Variants in STK32C observed in about 807,000 individuals in gnomAD.
The protein encoded by STK32C is serine/threonine kinase 32C.
A neutral mutation model predicts 56.5 loss-of-function variants in STK32C; 31 were observed. That is an observed-to-expected ratio of 0.55 (90% confidence interval 0.41 to 0.74). The LOEUF is 0.74. Ranked by LOEUF, STK32C falls within the 30% of genes least tolerant of loss-of-function variation. The pLI, the probability that STK32C is intolerant of heterozygous loss-of-function variation, is 0.00. For missense variants in STK32C, 544 were observed against 676.9 expected (o/e 0.80, Z 2.18); for synonymous variants, 309 against 289.4 (o/e 1.07, Z -0.69).
chr10:132,225,302 C>T lies in STK32C; in HGVS notation c.807G>A (p.Gly269=). ...AGTCCACCTCGAAGGAGTAGCCGGT[C>T]CCGCCGTTGACAAAAGAGTGGAAGA... The part of the protein sequence containing the change: ...PEIFHSFVNG[G]TGYSFEVDWW... Residue 269 remains glycine (G), a synonymous_variant, in exon 7 of 12, where the codon GGG becomes GGA. Coordinates refer to ENST00000298630, the MANE Select transcript of STK32C (RefSeq NM_173575.4). 5.0e-6 allele frequency: 8 copies of T among 1,611,592 alleles called. No individual in the cohort carries two copies. Among genetic ancestry groups the T allele is most frequent in the Non-Finnish European group, 6.8e-6 (8 of 1,179,048 alleles).
Position 132,307,897 on chromosome 10 carries a change from C to T in STK32C, c.-64G>A. 1 of 1,123,408 alleles carries T rather than the reference C, an allele frequency of 8.9e-7. No individual in the cohort carries two copies. The highest frequency in any genetic ancestry group is 1.1e-6 in the Non-Finnish European group (1 of 914,082). The allele number at this position is 1,123,408 out of a possible 1,614,324, so 69.6% of individuals were successfully genotyped here. ...CATGGCCGGCCGGCAGGGCCGGGAG[C>T]GGCAGTGGTAGCGGGAGCGCTCGGG... On this transcript the variant is annotated 5_prime_UTR_variant, in exon 1 of 12. Transcript: ENST00000298630. The surrounding 1 kb of genome is among the most constrained non-coding windows in gnomAD (Gnocchi z 4.4).
intron 1 of STK32C, among the ~76,000 whole-genome samples, chr10:132,253,412 G>GGAGGGAGCTGGAGGGAGTC (rs1565113539): frequency 1.4e-5 from 2 of 147,562 alleles, no homozygotes; most frequent in African/African-American, 2.5e-5. Flanking sequence ...CGAGGGAGCT[G>GGAGGGAGCTGGAGGGAGTC]GAGGGAGCTG....
downstream of STK32C, among the ~76,000 whole-genome samples, chr10:132,323,424 T>TA (rs1254299841): frequency 1.3e-5 from 2 of 152,234 alleles, no homozygotes; most frequent in African/African-American, 4.8e-5. This position sits in a 1 kb window ranked among gnomAD's most constrained non-coding sequence, Gnocchi z 4.8. Context: ...CCTAGGCCAA[T>TA]ACCAATGTTC....
At chr10:132,320,548 G>C (rs999323751), downstream of STK32C, among the ~76,000 whole-genome samples, 2 of 152,148 alleles carry the variant, frequency 1.3e-5, no homozygotes, top group South Asian at 2.1e-4. Context: ...GCTGGGGCAC[G>C]GGGCCCTGTT....
At chr10:132,295,958 G>A (rs1021318837) in intron 1 of STK32C, among the ~76,000 whole-genome samples, 9 of 151,682 alleles carry the variant, frequency 5.9e-5, no homozygotes, top group African/African-American at 9.7e-5. Context: ...CCCCACACCC[G>A]GTGTGGGCTG....
intron 1 of STK32C, among the ~76,000 whole-genome samples, chr10:132,280,394 GTGATCACGCACCTCCACCCCC>G (rs2065140173): frequency 8.4e-6 from 1 of 119,674 alleles, no homozygotes; most frequent in South Asian, 2.8e-4. Flanking sequence ...ACTCCACCCC[GTGATCACGCACCTCCACCCCC>G]TGATCACACC....
intron 7 of STK32C, among the ~76,000 whole-genome samples, chr10:132,224,869 C>T (rs1251541701): frequency 4.6e-5 from 7 of 152,172 alleles, no homozygotes; most frequent in South Asian, 4.1e-4. Flanking sequence ...CCCAGCCTCC[C>T]GGTCTCCAGG....
intron 10 of STK32C, 26 bp from the exon 11 acceptor site, chr10:132,209,127 C>T (rs770874668): frequency 1.0e-5 from 16 of 1,606,170 alleles, no homozygotes; most frequent in Middle Eastern, 1.7e-4. Context: ...CACACGTGAG[C>T]GTGGGGGACG....
Position 132,226,845 on chromosome 10 carries a change from G to A in STK32C, c.594C>T (p.Cys198=), listed in dbSNP as rs563659456. The A allele has an allele frequency of 3.3e-5, 53 of 1,613,236 alleles. 1 individual carries two copies. The highest frequency in any genetic ancestry group is 1.6e-4 in the Middle Eastern group (1 of 6,084). The change falls in exon 4 of 12, where the codon TGC becomes TGT. Residue 198 remains cysteine (C), a synonymous_variant. Coordinates refer to ENST00000298630, the MANE Select transcript of STK32C (RefSeq NM_173575.4). ...GGTAGTCCAGAGCCAGTGCCATCTC[G>A]CAGATGTACAGCCTCACCGTGTCCT... ...FSEDTVRLYI[C]EMALALDYLR...
At position 132,263,324 on chromosome 10, in the gene STK32C, C is replaced by A. The variant is rs377686969; in HGVS notation, c.263-17369G>T. 2.0e-5 allele frequency among the ~76,000 whole-genome samples: 3 copies of A among 152,204 alleles called. No individual in the cohort carries two copies. In the South Asian group the frequency reaches 6.2e-4, roughly 32 times the overall value. ...TGCAGCTGGAGGCCATAATCCTAAG[C>A]GACTTAATGCAGGAACAGAAAACTC... On this transcript the variant is annotated intron_variant, in intron 1 of 11. Coordinates refer to ENST00000298630, the MANE Select transcript of STK32C (RefSeq NM_173575.4).
At chr10:132,320,550 G>A (rs529037769), downstream of STK32C, among the ~76,000 whole-genome samples, 4 of 152,294 alleles carry the variant, frequency 2.6e-5, no homozygotes, top group East Asian at 7.7e-4. Context: ...TGGGGCACGG[G>A]GCCCTGTTCT....
At chr10:132,312,926 G>C (rs2066247405), upstream of STK32C, among the ~76,000 whole-genome samples, 1 of 152,200 alleles carries the variant, frequency 6.6e-6, no homozygotes, top group South Asian at 2.1e-4. Flanking sequence ...TGTAATACCA[G>C]CTACTCAGGA....
chr10:132,267,602 T>C (rs1040010360), intron 1 of STK32C, among the ~76,000 whole-genome samples: 24 of 151,302 alleles, frequency 1.6e-4, no homozygotes, highest in African/African-American at 5.9e-4. Flanking sequence ...TGTGCATGCA[T>C]GTGTATGCAT....
chr10:132,261,633 T>G (rs1232736550), intron 1 of STK32C, among the ~76,000 whole-genome samples: 2 of 152,106 alleles, frequency 1.3e-5, no homozygotes, highest in East Asian at 3.8e-4. Flanking sequence ...GGCATGGTGG[T>G]GCACACCTGT....
At chr10:132,298,539 G>C in intron 1 of STK32C, among the ~76,000 whole-genome samples, 1 of 152,296 alleles carries the variant, frequency 6.6e-6, no homozygotes, top group East Asian at 1.9e-4. Context: ...GGACATGCTG[G>C]GAGGAGCCTG....
intron 1 of STK32C, among the ~76,000 whole-genome samples, chr10:132,252,847 T>C (rs2063955974): frequency 6.6e-6 from 1 of 152,190 alleles, no homozygotes; most frequent in Non-Finnish European, 1.5e-5. Flanking sequence ...GCCATCTGAA[T>C]CCCGCTAAGT....
intron 1 of STK32C, among the ~76,000 whole-genome samples, chr10:132,273,170 C>T (rs886104945): frequency 8.5e-5 from 13 of 152,184 alleles, no homozygotes; most frequent in Non-Finnish European, 1.6e-4. Flanking sequence ...AGTTCCAATC[C>T]ACTCAGCCTT....
chr10:132,238,080 G>A (rs1484951359), intron 2 of STK32C, among the ~76,000 whole-genome samples: 1 of 152,150 alleles, frequency 6.6e-6, no homozygotes, highest in African/African-American at 2.4e-5. Flanking sequence ...TGGCAGGCAA[G>A]TGGACGAGGC....
chr10:132,262,753 C>CAAAAAAAAAAAAAAAAAAAAAAA, intron 1 of STK32C, among the ~76,000 whole-genome samples: 1 of 73,384 alleles, frequency 1.4e-5, no homozygotes, highest in Non-Finnish European at 2.7e-5. Flanking sequence ...GACTCCATCT[C>CAAAAAAAAAAAAAAAAAAAAAAA]AAAAAAAAAA....
Sources: allele counts gnomAD v4.1 joint callset (sites outside exome capture counted in the v4.1 genomes callset), GRCh38; gene constraint gnomAD v4.1.1; non-coding constraint Gnocchi (gnomAD v3.1); transcripts MANE v1.5; gene names NCBI Gene and HGNC (gene_info 2026-07-23, HGNC 2026-07-21).